C8orf34: variants seen among roughly 807,000 people sequenced by gnomAD.
The protein encoded by C8orf34 is chromosome 8 open reading frame 34.
A neutral mutation model predicts 68.3 loss-of-function variants in C8orf34; 65 were observed. The observed-to-expected ratio is 0.95, with a 90% CI of 0.78 to 1.17. The LOEUF is 1.17. C8orf34 is among the 50% of genes most tolerant of loss of function. The pLI is 0.00. For synonymous variants in C8orf34, 244 were observed against 241.2 expected (o/e 1.01, Z -0.11); for missense variants, 664 against 655.4 (o/e 1.01, Z -0.14).
intron 10 of C8orf34, among the ~76,000 whole-genome samples, chr8:68,728,139 C>G (rs1343189990): frequency 6.6e-6 from 1 of 152,190 alleles, no homozygotes; most frequent in East Asian, 1.9e-4. Flanking sequence ...ATTTCCTCCT[C>G]CAGATACCCT....
At chr8:68,377,147 T>G (rs1807837235) in intron 1 of C8orf34, among the ~76,000 whole-genome samples, 1 of 152,044 alleles carries the variant, frequency 6.6e-6, no homozygotes, top group South Asian at 2.1e-4. Flanking sequence ...ATCCTAGCTC[T>G]TTGGAAGGCT....
At chr8:68,425,401 CTAAG>C (rs1449222237) in intron 1 of C8orf34, among the ~76,000 whole-genome samples, 1 of 152,216 alleles carries the variant, frequency 6.6e-6, no homozygotes, top group Non-Finnish European at 1.5e-5. Context: ...ACTCCTACAA[CTAAG>C]TGAGTTCAAT....
chr8:68,382,734 A>G (rs902626351), intron 1 of C8orf34, among the ~76,000 whole-genome samples: 12 of 152,138 alleles, frequency 7.9e-5, no homozygotes, highest in African/African-American at 2.7e-4. Context: ...TAAAAGTTGA[A>G]CATTCTCAGG....
rs531156669 is a variant in C8orf34 at position 68,586,617 on chromosome 8, C to T, written c.1105+53468C>T. On this transcript the variant is annotated intron_variant, in intron 7 of 13. Coordinates refer to ENST00000518698, the MANE Select transcript of C8orf34 (RefSeq NM_052958.4). ...GAAATCCTACTCAACCCTTCAGGCA[C>T]CTCACATTCTTTCCCTGAAATGTGA... Among the ~76,000 whole-genome samples the T allele has an allele frequency of 2.6e-5, 4 of 152,242 alleles. No individual in the cohort carries two copies. In the South Asian group the frequency reaches 8.3e-4, roughly 32 times the overall value.
chr8:68,493,839 G>A (rs865878493), intron 5 of C8orf34, among the ~76,000 whole-genome samples: 23 of 152,246 alleles, frequency 1.5e-4, no homozygotes, highest in Admixed American at 6.5e-4. Context: ...GACAAAGGGC[G>A]TGCTCTTACC....
chr8:68,427,953 A>G (rs1810299748), intron 1 of C8orf34, among the ~76,000 whole-genome samples: 1 of 148,072 alleles, frequency 6.8e-6, no homozygotes, highest in Non-Finnish European at 1.5e-5. Flanking sequence ...TATATAATAT[A>G]TAATATATAA....
In C8orf34 at chr8:68,571,859, G is replaced by A. The variant is rs977569379; in HGVS notation, c.1105+38710G>A. 5.9e-5 allele frequency among the ~76,000 whole-genome samples: 9 copies of A among 152,148 alleles called. No homozygotes were observed. The East Asian group carries it at 9.7e-4, about 16-fold the overall frequency. On this transcript the variant is annotated intron_variant, in intron 7 of 13. Transcript: ENST00000518698. ...TTGAAGACTAACAATAATGACACAC[G>A]TAAAATAATATATATAGTTATGTGT... is the stretch of plus-strand genomic sequence containing the variant.
At chr8:68,616,396 G>A (rs536661298) in intron 7 of C8orf34, among the ~76,000 whole-genome samples, 2 of 152,066 alleles carry the variant, frequency 1.3e-5, no homozygotes, top group East Asian at 1.9e-4. Flanking sequence ...TGTCAATTTT[G>A]GATCTTTCCT....
intron 7 of C8orf34, among the ~76,000 whole-genome samples, chr8:68,621,936 G>C (rs1225012703): frequency 1.3e-5 from 2 of 152,162 alleles, no homozygotes; most frequent in Non-Finnish European, 2.9e-5. Flanking sequence ...AGGACTCTAG[G>C]CACAGCTTAA....
intron 7 of C8orf34, among the ~76,000 whole-genome samples, chr8:68,620,875 C>G (rs1197310863): frequency 6.6e-6 from 1 of 151,428 alleles, no homozygotes; most frequent in Non-Finnish European, 1.5e-5. Flanking sequence ...TTTATCCATC[C>G]TAATTGTAGT....
At chr8:68,339,959 TAAAC>T (rs1007967338) in intron 1 of C8orf34, among the ~76,000 whole-genome samples, 3 of 151,926 alleles carry the variant, frequency 2.0e-5, no homozygotes, top group East Asian at 1.9e-4. Flanking sequence ...ATTCAATAAA[TAAAC>T]AACATAATTG....
At chr8:68,690,640 A>T (rs1035527788) in intron 8 of C8orf34, among the ~76,000 whole-genome samples, 4 of 151,982 alleles carry the variant, frequency 2.6e-5, no homozygotes, top group African/African-American at 4.8e-5. Context: ...CCCTCATGAC[A>T]TAATCACCTC....
chr8:68,463,722 C>A (rs929253367), intron 3 of C8orf34, among the ~76,000 whole-genome samples: 3 of 152,086 alleles, frequency 2.0e-5, no homozygotes, highest in Non-Finnish European at 4.4e-5. Context: ...GCAGAAAAGG[C>A]CTTTGAAAAA....
rs746156695 is a variant in C8orf34 at position 68,459,510 on chromosome 8, C to T, written c.608-9182C>T. ...CCTCCCAAAGTGTTGGGATTACAGG[C>T]GTGAGCCACCGTGCCCGGCTGAAAA... On this transcript the variant is annotated intron_variant, in intron 3 of 13. Coordinates refer to ENST00000518698, the MANE Select transcript of C8orf34 (RefSeq NM_052958.4). 2.6e-5 allele frequency among the ~76,000 whole-genome samples: 4 copies of T among 152,150 alleles called. No homozygotes were observed. The East Asian group carries it at 7.8e-4, about 30-fold the overall frequency.
At chr8:68,341,664 TG>T (rs1806075679) in intron 1 of C8orf34, among the ~76,000 whole-genome samples, 1 of 152,032 alleles carries the variant, frequency 6.6e-6, no homozygotes, top group Non-Finnish European at 1.5e-5. Context: ...GTTTAAGTGG[TG>T]TGGCACCTAC....
chr8:68,633,045 T>G (rs1002608392), intron 7 of C8orf34, among the ~76,000 whole-genome samples: 9 of 152,170 alleles, frequency 5.9e-5, no homozygotes, highest in African/African-American at 2.2e-4. Flanking sequence ...GTAATATTAA[T>G]AGAAGTACAG....
chr8:68,657,271 C>T (rs1047960362), intron 8 of C8orf34, among the ~76,000 whole-genome samples: 4 of 152,148 alleles, frequency 2.6e-5, no homozygotes, highest in South Asian at 2.1e-4. Flanking sequence ...CCAAAATTCA[C>T]GTTGAAATCT....
intron 1 of C8orf34, among the ~76,000 whole-genome samples, chr8:68,398,815 T>C (rs1455665197): frequency 1.3e-5 from 2 of 152,150 alleles, no homozygotes; most frequent in African/African-American, 4.8e-5. Flanking sequence ...AATTTTAACA[T>C]TGGAGAAATT....
At chr8:68,335,194 A>G (rs1445027076) in intron 1 of C8orf34, among the ~76,000 whole-genome samples, 4 of 152,180 alleles carry the variant, frequency 2.6e-5, no homozygotes, top group African/African-American at 7.2e-5. Context: ...GGGGATAAGA[A>G]GGATACTAGT....
Sources: allele counts gnomAD v4.1 joint callset (sites outside exome capture counted in the v4.1 genomes callset), GRCh38; gene constraint gnomAD v4.1.1; transcripts MANE v1.5; gene names NCBI Gene and HGNC (gene_info 2026-07-23, HGNC 2026-07-21).